Variants in BEND7 observed in about 807,000 individuals in gnomAD.
BEND7 encodes the protein BEN domain-containing protein 7.
BEND7 carries 28 observed loss-of-function variants against 50.9 expected under a neutral mutation model. The ratio of observed to expected loss-of-function variants is 0.55; its 90% confidence interval spans 0.41 to 0.75. The LOEUF (loss-of-function observed/expected upper bound fraction) is 0.75. BEND7 is among the 30% of genes least tolerant of loss of function. The probability of loss-of-function intolerance (pLI) is 0.00; values close to 1 mark genes in which losing one functional copy is unlikely to be tolerated. For synonymous variants in BEND7, 170 were observed against 183.9 expected, an observed-to-expected ratio of 0.92 and a Z score of 0.61; for missense variants, 477 against 491.3, an observed-to-expected ratio of 0.97 and a Z score of 0.28.
chr10:13,448,268 A>G (rs1244220977), intron 7 of BEND7, among the ~76,000 whole-genome samples: 1 of 152,118 alleles, frequency 6.6e-6, no homozygotes, highest in Non-Finnish European at 1.5e-5. Context: ...TGGGCTTGTT[A>G]GTTTCCCGTA....
At chr10:13,485,439 C>T (rs1321342901) in intron 5 of BEND7, among the ~76,000 whole-genome samples, 1 of 152,128 alleles carries the variant, frequency 6.6e-6, no homozygotes, top group East Asian at 1.9e-4. Flanking sequence ...GCTGTTTGGA[C>T]TAGGTCATAT....
intron 5 of BEND7, among the ~76,000 whole-genome samples, chr10:13,492,120 C>A (rs1011095563): frequency 6.6e-6 from 1 of 152,110 alleles, no homozygotes; most frequent in Non-Finnish European, 1.5e-5. Context: ...CCTATCATTA[C>A]ACGGAGTAAA....
chr10:13,498,071 C>CTTTTTTT (rs67255529), intron 3 of BEND7, among the ~76,000 whole-genome samples: 105 of 109,828 alleles, frequency 9.6e-4, no homozygotes, highest in Non-Finnish European at 1.2e-3. Context: ...ATTTCTTTTT[C>CTTTTTTT]TTTTTTTTTT....
At chr10:13,512,698 G>A (rs1037627235) in intron 2 of BEND7, among the ~76,000 whole-genome samples, 1 of 151,886 alleles carries the variant, frequency 6.6e-6, no homozygotes, top group Non-Finnish European at 1.5e-5. Context: ...AGTACGATCT[G>A]GATTATATTT....
intron 6 of BEND7, among the ~76,000 whole-genome samples, chr10:13,477,504 A>G (rs1386728279): frequency 6.6e-6 from 1 of 152,206 alleles, no homozygotes; most frequent in Admixed American, 6.5e-5. Context: ...TCTACGAATA[A>G]CAACAACAAC....
At chr10:13,506,474 C>A (rs1159481141) in intron 2 of BEND7, among the ~76,000 whole-genome samples, 1 of 152,138 alleles carries the variant, frequency 6.6e-6, no homozygotes, top group Non-Finnish European at 1.5e-5. Flanking sequence ...AGGCAGGCAA[C>A]GGAGCTGGAG....
intron 2 of BEND7, among the ~76,000 whole-genome samples, chr10:13,515,582 C>T (rs553694994): frequency 3.5e-4 from 54 of 152,266 alleles, no homozygotes; most frequent in Non-Finnish European, 6.3e-4. Context: ...ATGAAATATG[C>T]GTGCAATAAG....
At chr10:13,488,382 A>G (rs1298841772) in intron 5 of BEND7, among the ~76,000 whole-genome samples, 1 of 152,204 alleles carries the variant, frequency 6.6e-6, no homozygotes, top group Non-Finnish European at 1.5e-5. Flanking sequence ...ATCAATATAT[A>G]TAATCTTGAA....
chr10:13,441,087 G>T, downstream of BEND7: 1 of 984,964 alleles, frequency 1.0e-6, no homozygotes, highest in Non-Finnish European at 1.2e-6. Context: ...CCGCACGCAC[G>T]TTCAATTAAA....
At chr10:13,452,491 A>G (rs1356520948) in intron 7 of BEND7, 48 bp downstream of exon 7, 4 of 1,556,416 alleles carry the variant, frequency 2.6e-6, no homozygotes, top group Admixed American at 2.0e-5. Context: ...ATAAAGTCTA[A>G]GAATTCATAA....
At chr10:13,499,354 C>T (rs2132178236) in intron 3 of BEND7, among the ~76,000 whole-genome samples, 1 of 151,714 alleles carries the variant, frequency 6.6e-6, no homozygotes, top group South Asian at 2.1e-4. Flanking sequence ...TTATCTGGGA[C>T]TCTTCTGATA....
At chr10:13,518,230 A>G (rs1328202539) in intron 2 of BEND7, among the ~76,000 whole-genome samples, 2 of 152,252 alleles carry the variant, frequency 1.3e-5, no homozygotes, top group Admixed American at 1.3e-4. Flanking sequence ...TTCCTGAGAA[A>G]CAGAAAGAGG....
downstream of BEND7, among the ~76,000 whole-genome samples, chr10:13,440,236 C>G (rs114813722): frequency 3.1e-3 from 466 of 152,314 alleles, 5 homozygotes; most frequent in African/African-American, 0.011. Context: ...CCTGTGGGAT[C>G]AAGGGCATCC....
intron 6 of BEND7, among the ~76,000 whole-genome samples, chr10:13,474,687 A>G (rs1019245891): frequency 1.4e-5 from 2 of 146,560 alleles, no homozygotes; most frequent in East Asian, 2.1e-4. Context: ...ATCCGTCATC[A>G]GTGTTGGGCT....
chr10:13,491,024 G>A (rs58258492), intron 5 of BEND7, among the ~76,000 whole-genome samples: 3,249 of 152,146 alleles, frequency 0.021, 108 homozygotes, highest in African/African-American at 0.073. Context: ...GGCTGGTCTC[G>A]AACTCTTGAC....
chr10:13,478,140 C>A (rs1015893113), intron 6 of BEND7, among the ~76,000 whole-genome samples: 4 of 152,052 alleles, frequency 2.6e-5, no homozygotes, highest in African/African-American at 9.7e-5. Flanking sequence ...ATGAATGGGC[C>A]CTCAGAAGAA....
chr10:13,509,920 G>A (rs1268719633), intron 2 of BEND7, among the ~76,000 whole-genome samples: 1 of 152,204 alleles, frequency 6.6e-6, no homozygotes, highest in Non-Finnish European at 1.5e-5. Flanking sequence ...AAAGATTTTT[G>A]TCTACTTATT....
intron 6 of BEND7, among the ~76,000 whole-genome samples, chr10:13,460,315 A>G (rs1331274772): frequency 1.3e-5 from 2 of 152,184 alleles, no homozygotes; most frequent in African/African-American, 4.8e-5. Context: ...TTCCTGCCCA[A>G]TTCCACCTGC....
At chr10:13,473,340 C>T (rs1405380804) in intron 6 of BEND7, among the ~76,000 whole-genome samples, 4 of 151,682 alleles carry the variant, frequency 2.6e-5, no homozygotes, top group Non-Finnish European at 4.4e-5. Flanking sequence ...TATCCGTCAT[C>T]GCTGTTAGAC....
Sources: allele counts gnomAD v4.1 joint callset (sites outside exome capture counted in the v4.1 genomes callset), GRCh38; gene constraint gnomAD v4.1.1; transcripts MANE v1.5; gene names NCBI Gene and HGNC (gene_info 2026-07-23, HGNC 2026-07-21).